The following PCDHGB2 variants were observed in gnomAD, a reference collection of about 807,000 sequenced individuals.
PCDHGB2 encodes protocadherin gamma-B2.
A neutral mutation model predicts 59.3 loss-of-function variants in PCDHGB2; 55 were observed. That is an observed-to-expected ratio of 0.93 (90% CI 0.75 to 1.16). The LOEUF (loss-of-function observed/expected upper bound fraction) is 1.16. Among genes scored for constraint, PCDHGB2 ranks in the 50% most tolerant of loss-of-function variants. The probability of loss-of-function intolerance (pLI) is 0.00; values close to 1 mark genes in which losing one functional copy is unlikely to be tolerated. For synonymous variants in PCDHGB2, 516 were observed against 512.0 expected (o/e 1.01, Z -0.11); for missense variants, 1,228 against 1,198.5 (o/e 1.02, Z -0.36).
intron 1 of PCDHGB2, among the ~76,000 whole-genome samples, chr5:141,401,895 T>C (rs184400858): frequency 3.8e-4 from 58 of 152,342 alleles, no homozygotes; most frequent in African/African-American, 1.1e-3. Context: ...GTGTTCTTTT[T>C]CCCAAATTAT....
In PCDHGB2 at chr5:141,366,466, G is replaced by C. The variant is rs774389587; in HGVS notation, c.2421+3910G>C. 9 of 1,614,110 alleles carry C rather than the reference G, an allele frequency of 5.6e-6. No individual in the cohort carries two copies. The South Asian group carries it at 9.9e-5, about 18-fold the overall frequency. Reference sequence around the variant, plus strand: ...TCCTGGCCTTCGTCATCGTGCTGCTGGTGCTCAGACTGAGGCGCTGGCACA... The same window carrying C: ...TCCTGGCCTTCGTCATCGTGCTGCTCGTGCTCAGACTGAGGCGCTGGCACA... On this transcript the variant is annotated intron_variant, in intron 1 of 3. Coordinates refer to ENST00000522605, the MANE Select transcript of PCDHGB2 (RefSeq NM_018923.3).
At chr5:141,377,699 G>A (rs895371425) in intron 1 of PCDHGB2, 1 of 151,992 alleles carries the variant, frequency 6.6e-6, no homozygotes, top group Non-Finnish European at 1.5e-5. Context: ...TTACTACTTA[G>A]GAATCAAAAA....
chr5:141,364,518 G>A (rs769955902), intron 1 of PCDHGB2: 11 of 1,614,038 alleles, frequency 6.8e-6, no homozygotes, highest in Non-Finnish European at 9.3e-6. Context: ...GCGGAGCGCG[G>A]AGTCCGCATC....
chr5:141,362,714 C>A, intron 1 of PCDHGB2, 158 bp downstream of exon 1: 1 of 916,366 alleles, frequency 1.1e-6, no homozygotes, highest in Non-Finnish European at 1.6e-6. Context: ...AGTGTTTTCT[C>A]TCTGAAGTGT....
chr5:141,421,243 C>A (rs201273667), intron 1 of PCDHGB2: 1 of 1,601,658 alleles, frequency 6.2e-7, no homozygotes. Flanking sequence ...GAATCGGCTA[C>A]AGCGCGGGGA....
chr5:141,416,449 G>A (rs938389094), intron 1 of PCDHGB2: 1 of 152,138 alleles, frequency 6.6e-6, no homozygotes, highest in Non-Finnish European at 1.5e-5. Context: ...AATATGGGTT[G>A]GGAAGACAGA....
intron 1 of PCDHGB2, chr5:141,390,147 G>C: frequency 6.2e-7 from 1 of 1,614,034 alleles, no homozygotes; most frequent in Non-Finnish European, 8.5e-7. Flanking sequence ...TCTATGTGTT[G>C]CACATACAGG....
intron 1 of PCDHGB2, chr5:141,410,406 C>A (rs1361000460): frequency 6.2e-7 from 1 of 1,614,050 alleles, no homozygotes; most frequent in Non-Finnish European, 8.5e-7. Flanking sequence ...TGTGTCAAGT[C>A]TGGACCTGTA....
Position 141,491,815 on chromosome 5 carries a change from C to T in PCDHGB2, c.2422-2992C>T. The T allele has an allele frequency of 6.7e-7, 1 of 1,485,264 alleles. No individual in the cohort carries two copies. Among genetic ancestry groups the T allele is most frequent in the African/African-American group, 1.4e-5 (1 of 70,622 alleles). The allele number at this position is 1,485,264 out of a possible 1,614,324, so 92.0% of individuals were successfully genotyped here. ...CCTCTCCGGCCGGCTTGGTCGCTGGCTGCGCTCCACCCGATTCTCGGGATC... is the reference window on the plus strand; with the variant it reads ...CCTCTCCGGCCGGCTTGGTCGCTGGTTGCGCTCCACCCGATTCTCGGGATC... On this transcript the variant is annotated intron_variant, in intron 1 of 3. Coordinates refer to ENST00000522605, the MANE Select transcript of PCDHGB2 (RefSeq NM_018923.3). This position sits in a 1 kb window ranked among gnomAD's most constrained non-coding sequence, Gnocchi z 6.9.
At chr5:141,419,588 A>T in intron 1 of PCDHGB2, 1 of 1,611,830 alleles carries the variant, frequency 6.2e-7, no homozygotes, top group East Asian at 2.2e-5. Flanking sequence ...GCTCTTCGAC[A>T]CAGTGCCGCG....
intron 1 of PCDHGB2, chr5:141,423,443 C>A: frequency 6.2e-7 from 1 of 1,613,998 alleles, no homozygotes; most frequent in Non-Finnish European, 8.5e-7. Flanking sequence ...ATGCCCACGT[C>A]ACATTTTGTA....
At chr5:141,398,955 A>G in intron 1 of PCDHGB2, 6 of 1,613,966 alleles carry the variant, frequency 3.7e-6, no homozygotes, top group Non-Finnish European at 5.1e-6. Context: ...TCAACTCAGA[A>G]ATTACTTATT....
intron 1 of PCDHGB2, chr5:141,389,945 G>A (rs2150405694): frequency 1.9e-6 from 3 of 1,614,056 alleles, no homozygotes; most frequent in Middle Eastern, 1.6e-4. Context: ...CTGAGCTGCA[G>A]TTTTACCTAG....
intron 1 of PCDHGB2, chr5:141,492,018 G>A: frequency 1.7e-6 from 1 of 585,594 alleles, no homozygotes; most frequent in Admixed American, 3.7e-5. Flanking sequence ...GGGTGTCGGG[G>A]GTCCCGGGAG....
chr5:141,439,013 A>T lies in PCDHGB2; in HGVS notation c.2422-55794A>T, dbSNP rs2098082221. 1.3e-5 allele frequency among the ~76,000 whole-genome samples: 2 copies of T among 151,700 alleles called. 1 individual carries two copies. The highest frequency in any genetic ancestry group is 1.3e-4 in the Admixed American group (2 of 15,214). On this transcript the variant is annotated intron_variant, in intron 1 of 3. Transcript: ENST00000522605. ...GGCTAAGGACCTGGTTTGTTTGTCA[A>T]ATTTTGAAAATAGATGCCTCAGTTC...
intron 2 of PCDHGB2, among the ~76,000 whole-genome samples, chr5:141,499,772 C>T (rs1217675128): frequency 1.0e-4 from 15 of 147,946 alleles, no homozygotes; most frequent in Admixed American, 9.0e-4. Context: ...CTGCAGCCTT[C>T]GCCTCCCGGG....
At chr5:141,366,037 A>G (rs1276608872) in intron 1 of PCDHGB2, 1 of 1,614,112 alleles carries the variant, frequency 6.2e-7, no homozygotes, top group African/African-American at 1.3e-5. Flanking sequence ...CCCTCCCCAC[A>G]GACGGTTCCA....
intron 1 of PCDHGB2, chr5:141,404,057 T>C (rs558471539): frequency 1.2e-5 from 19 of 1,613,894 alleles, no homozygotes; most frequent in Non-Finnish European, 1.4e-5. Context: ...AATTCTTCTT[T>C]TCAATGCTCA....
chr5:141,509,292 T>A (rs1407798154), intron 3 of PCDHGB2, among the ~76,000 whole-genome samples: 1 of 152,028 alleles, frequency 6.6e-6, no homozygotes, highest in Non-Finnish European at 1.5e-5. Context: ...GGGTCCAGGG[T>A]GGAGGCAGAG....
Sources: allele counts gnomAD v4.1 joint callset (sites outside exome capture counted in the v4.1 genomes callset), GRCh38; gene constraint gnomAD v4.1.1; non-coding constraint Gnocchi (gnomAD v3.1); transcripts MANE v1.5; gene names NCBI Gene and HGNC (gene_info 2026-07-23, HGNC 2026-07-21).